Variants in SGCD observed in about 807,000 individuals in gnomAD.
The protein encoded by SGCD is sarcoglycan delta.
SGCD carries 18 observed loss-of-function variants against 36.6 expected under a neutral mutation model. The ratio of observed to expected loss-of-function variants is 0.49; its 90% CI spans 0.34 to 0.73. The LOEUF (loss-of-function observed/expected upper bound fraction) is 0.73. Among genes scored for constraint, SGCD ranks in the 30% least tolerant of loss-of-function variants. The probability of loss-of-function intolerance (pLI) is 0.01; values close to 1 mark genes in which losing one functional copy is unlikely to be tolerated. For missense variants in SGCD, 387 were observed against 346.7 expected, an observed-to-expected ratio of 1.12 and a Z score of -0.92; for synonymous variants, 133 against 130.6, an observed-to-expected ratio of 1.02 and a Z score of -0.12.
At chr5:156,384,219 G>C (rs1178632812) in intron 3 of SGCD, among the ~76,000 whole-genome samples, 1 of 152,184 alleles carries the variant, frequency 6.6e-6, no homozygotes, top group Admixed American at 6.5e-5. Flanking sequence ...CCAAATCTTT[G>C]AGTATGTGGT....
At chr5:156,289,877 T>A (rs934015246) in intron 3 of SGCD, among the ~76,000 whole-genome samples, 2 of 152,030 alleles carry the variant, frequency 1.3e-5, no homozygotes, top group Non-Finnish European at 2.9e-5. Context: ...AGTATGAATG[T>A]CTAGTCTCTA....
chr5:156,591,936 A>G (rs934600163), intron 5 of SGCD, among the ~76,000 whole-genome samples: 1 of 152,098 alleles, frequency 6.6e-6, no homozygotes, highest in African/African-American at 2.4e-5. Context: ...AAAACTACCA[A>G]TTACTGAGCT....
At chr5:156,174,706 A>T (rs1763424812) in intron 3 of SGCD, among the ~76,000 whole-genome samples, 1 of 152,228 alleles carries the variant, frequency 6.6e-6, no homozygotes, top group Non-Finnish European at 1.5e-5. Context: ...GAGGAGCAAG[A>T]TCTCCACAGT....
chr5:156,691,206 C>A (rs1307481798), intron 7 of SGCD, among the ~76,000 whole-genome samples: 82 of 61,792 alleles, frequency 1.3e-3, no homozygotes, highest in South Asian at 4.3e-3. Flanking sequence ...GACTCTGTCT[C>A]AAAAAAAAAA....
At chr5:155,753,334 T>TCAAAAAAAA in the SGCD span, among the ~76,000 whole-genome samples, 11 of 135,838 alleles carry the variant, frequency 8.1e-5, 1 homozygote, top group Admixed American at 3.5e-4. Context: ...AGACTTTGTC[T>TCAAAAAAAA]AAAAAAAAAA....
At chr5:155,749,511 A>C in the SGCD span, among the ~76,000 whole-genome samples, 2 of 152,234 alleles carry the variant, frequency 1.3e-5, no homozygotes. Flanking sequence ...ATTTACATAC[A>C]TTTGAAACTC....
chr5:155,835,926 T>C, the SGCD span, among the ~76,000 whole-genome samples: 1 of 152,136 alleles, frequency 6.6e-6, no homozygotes, highest in African/African-American at 2.4e-5. Flanking sequence ...GCCCAGGGTA[T>C]CCACTCTTAT....
At chr5:155,910,018 T>G (rs963253536) in intron 1 of SGCD, among the ~76,000 whole-genome samples, 5 of 152,070 alleles carry the variant, frequency 3.3e-5, no homozygotes, top group Non-Finnish European at 5.9e-5. Context: ...TCATTTTTTT[T>G]CTAATGGAAA....
chr5:156,631,185 A>C (rs1210103932), intron 6 of SGCD, among the ~76,000 whole-genome samples: 1 of 152,170 alleles, frequency 6.6e-6, no homozygotes, highest in East Asian at 1.9e-4. Context: ...TTTCAGGACA[A>C]CTTGGTAATT....
intron 4 of SGCD, among the ~76,000 whole-genome samples, chr5:156,520,507 GA>G (rs1757354230): frequency 6.6e-6 from 1 of 151,986 alleles, no homozygotes; most frequent in Admixed American, 6.6e-5. Context: ...CAGAAGTAGA[GA>G]AAACTATTTT....
intron 4 of SGCD, among the ~76,000 whole-genome samples, chr5:156,540,775 A>G (rs1758319411): frequency 6.6e-6 from 1 of 152,200 alleles, no homozygotes; most frequent in Middle Eastern, 3.2e-3. Flanking sequence ...CTTGCCATCA[A>G]CACAGTCGTC....
rs369353996 is a variant in SGCD, at chr5:156,408,331, G to A, written c.192+63654G>A. Among the ~76,000 whole-genome samples, 71 of 151,940 alleles carry A rather than the reference G, an allele frequency of 4.7e-4. 1 individual carries two copies. In the South Asian group the frequency reaches 0.012, roughly 27 times the overall value. On this transcript the variant is annotated intron_variant, in intron 3 of 8. Transcript: ENST00000337851. The stretch of plus-strand genomic sequence containing the variant: ...CTGAAAAGCCTGGTTTAACCTAATC[G>A]GGCTCCTGTGGAGGAACCCAAGTTG...
intron 3 of SGCD, among the ~76,000 whole-genome samples, chr5:156,291,026 G>A (rs547545267): frequency 5.9e-5 from 9 of 152,144 alleles, no homozygotes; most frequent in Non-Finnish European, 8.8e-5. Flanking sequence ...TCTTAGAGCC[G>A]GCCCTTGACA....
chr5:155,803,803 C>T, the SGCD span, among the ~76,000 whole-genome samples: 1 of 152,086 alleles, frequency 6.6e-6, no homozygotes, highest in African/African-American at 2.4e-5. Context: ...GTTTTCGTTC[C>T]TTCAGTGATG....
At chr5:156,090,621 G>T (rs7701883) in intron 1 of SGCD, among the ~76,000 whole-genome samples, 25,048 of 152,070 alleles carry the variant, frequency 0.16, 3,250 homozygotes, top group East Asian at 0.46. Context: ...CAGGAAACAG[G>T]GTTTGAGAGC....
chr5:155,764,224 G>A, the SGCD span, among the ~76,000 whole-genome samples: 2 of 151,726 alleles, frequency 1.3e-5, no homozygotes, highest in African/African-American at 4.8e-5. Flanking sequence ...AAATTTAAAG[G>A]TTATTAGATA....
intron 2 of SGCD, among the ~76,000 whole-genome samples, chr5:156,335,634 A>G (rs1467763563): frequency 6.6e-6 from 1 of 151,964 alleles, no homozygotes; most frequent in Non-Finnish European, 1.5e-5. Context: ...CTCTTCCCCT[A>G]TCATTCCCCT....
chr5:155,915,856 G>A lies in SGCD; in HGVS notation c.-282+45432G>A, dbSNP rs190724178. ...ATAGCACTTCCAAATGTAGGCTTGG[G>A]AAAGGTTTCTGATGAAAGTGAAATC... On this transcript the variant is annotated intron_variant, in intron 1 of 9. Coordinates refer to the SGCD transcript ENST00000517913. Among the ~76,000 whole-genome samples, 106 of 152,282 alleles carry A rather than the reference G, an allele frequency of 7.0e-4. 1 individual carries two copies. Among genetic ancestry groups the A allele is most frequent in the African/African-American group, 2.5e-3 (102 of 41,566 alleles).
chr5:156,559,851 A>C (rs901695850), intron 4 of SGCD, among the ~76,000 whole-genome samples: 1 of 152,214 alleles, frequency 6.6e-6, no homozygotes, highest in Admixed American at 6.5e-5. Context: ...TTTGAGCTTC[A>C]GATTCTGAGG....
Sources: gnomAD v4.1 joint callset for allele counts (sites outside exome capture counted in the v4.1 genomes callset) on GRCh38, gnomAD v4.1.1 for gene constraint, MANE v1.5 for transcripts, NCBI Gene and HGNC (gene_info 2026-07-23, HGNC 2026-07-21) for gene names.